PLCB1: variants seen among roughly 807,000 people sequenced by gnomAD.
PLCB1 encodes the protein 1-phosphatidylinositol 4,5-bisphosphate phosphodiesterase beta-1.
PLCB1 carries 46 observed loss-of-function variants against 161.8 expected under a neutral mutation model. That is an observed-to-expected ratio of 0.28 (90% CI 0.22 to 0.36). The LOEUF (loss-of-function observed/expected upper bound fraction) is 0.36, where lower values mean the gene tolerates loss of function less well. PLCB1 is among the 10% of genes least tolerant of loss of function. The pLI, the probability that PLCB1 is intolerant of heterozygous loss-of-function variation, is 1.00. For synonymous variants in PLCB1, 517 were observed against 503.7 expected, an observed-to-expected ratio of 1.03 and a Z score of -0.35; for missense variants, 1,016 against 1,472.5, an observed-to-expected ratio of 0.69 and a Z score of 5.07.
At chr20:8,403,658 C>A (rs190587051) in intron 3 of PLCB1, among the ~76,000 whole-genome samples, 1 of 152,140 alleles carries the variant, frequency 6.6e-6, no homozygotes, top group African/African-American at 2.4e-5. Context: ...TACTTGGAAG[C>A]CTGAAGCAGG....
chr20:8,230,388 A>G (rs1979964761), intron 2 of PLCB1, among the ~76,000 whole-genome samples: 1 of 152,064 alleles, frequency 6.6e-6, no homozygotes, highest in South Asian at 2.1e-4. Flanking sequence ...TTCAACATTT[A>G]TCATTTTTTG....
intron 2 of PLCB1, among the ~76,000 whole-genome samples, chr20:8,308,476 G>A (rs1318865501): frequency 1.3e-5 from 2 of 151,944 alleles, no homozygotes; most frequent in African/African-American, 4.8e-5. Flanking sequence ...AATTAGCTGG[G>A]CACGGTGGCA....
intron 3 of PLCB1, among the ~76,000 whole-genome samples, chr20:8,546,700 A>G (rs1381272023): frequency 6.6e-6 from 1 of 152,048 alleles, no homozygotes; most frequent in Non-Finnish European, 1.5e-5. Context: ...AGTTGATGAT[A>G]TTATAGTAAA....
chr20:8,602,595 CCT>C (rs906130328), intron 3 of PLCB1, among the ~76,000 whole-genome samples: 16 of 152,162 alleles, frequency 1.1e-4, no homozygotes, highest in African/African-American at 3.4e-4. Flanking sequence ...AACAGAAAAG[CCT>C]CTGTCATTTA....
chr20:8,685,161 A>G, intron 10 of PLCB1, 83 bp downstream of exon 10: 1 of 1,356,146 alleles, frequency 7.4e-7, no homozygotes, highest in South Asian at 1.2e-5. Context: ...CGGAAGCTGA[A>G]GTGTGTTTTC....
At chr20:8,860,625 A>C (rs2146312672) in intron 31 of PLCB1, among the ~76,000 whole-genome samples, 1 of 152,342 alleles carries the variant, frequency 6.6e-6, no homozygotes, top group African/African-American at 2.4e-5. Flanking sequence ...TCACTGATTA[A>C]TTAAAGTAAT....
intron 31 of PLCB1, among the ~76,000 whole-genome samples, chr20:8,841,733 CA>C (rs1600374313): frequency 6.6e-6 from 1 of 152,178 alleles, no homozygotes; most frequent in East Asian, 1.9e-4. Context: ...ACGCAGGTCA[CA>C]GTTTCTGTTG....
intron 3 of PLCB1, among the ~76,000 whole-genome samples, chr20:8,594,196 T>C (rs1318162123): frequency 6.6e-6 from 1 of 152,178 alleles, no homozygotes; most frequent in African/African-American, 2.4e-5. Context: ...CCCTCATGCC[T>C]AGCCCAGATC....
intron 9 of PLCB1, among the ~76,000 whole-genome samples, chr20:8,666,642 C>T (rs955233919): frequency 5.3e-5 from 8 of 152,230 alleles, no homozygotes; most frequent in African/African-American, 1.9e-4. Flanking sequence ...TTCTTTGTCC[C>T]GCTACTCCAG....
At chr20:8,706,414 A>G (rs1978678032) in intron 11 of PLCB1, among the ~76,000 whole-genome samples, 1 of 152,164 alleles carries the variant, frequency 6.6e-6, no homozygotes, top group South Asian at 2.1e-4. Context: ...TTGTATCAGG[A>G]TGATAGCAGT....
Position 8,623,448 on chromosome 20 carries a change from GT to G in PLCB1, c.247-4842del, listed in dbSNP as rs371727274. 1.3e-4 allele frequency among the ~76,000 whole-genome samples: 20 copies of G among 152,168 alleles called. No individual in the cohort carries two copies. The East Asian group carries it at 1.7e-3, about 13-fold the overall frequency. On this transcript the variant is annotated intron_variant, in intron 3 of 31. Transcript: ENST00000338037. ...TTATATTTTCTCTTCTTCATCAACA[GT>G]TTTCTATACTTATACAGTGACTTTA... is the stretch of plus-strand genomic sequence containing the variant.
intron 9 of PLCB1, among the ~76,000 whole-genome samples, chr20:8,659,835 T>A (rs186014695): frequency 3.3e-5 from 5 of 151,848 alleles, no homozygotes; most frequent in Non-Finnish European, 7.4e-5. Context: ...CTATTAAAAA[T>A]ACAAAAATTA....
chr20:8,132,675 G>T lies in PLCB1; in HGVS notation c.24G>T (p.Val8=). The change falls in exon 1 of 32, where the codon GTG becomes GTT. Residue 8 remains valine (V), a synonymous_variant. Coordinates refer to ENST00000338037, the MANE Select transcript of PLCB1 (RefSeq NM_015192.4). This position sits in a 1 kb window ranked among gnomAD's most constrained non-coding sequence, Gnocchi z 5.2. ...AGATGGCCGGGGCTCAACCCGGAGT[G>T]CACGCCTTGCAACTCAAGCCCGTGT... MAGAQPG[V]HALQLKPVCV... 1.2e-6 allele frequency: 2 copies of T among 1,612,424 alleles called. No homozygotes were observed. The highest frequency in any genetic ancestry group is 1.7e-6 in the Non-Finnish European group (2 of 1,179,136).
intron 3 of PLCB1, among the ~76,000 whole-genome samples, chr20:8,491,856 C>G (rs1484468109): frequency 6.6e-6 from 1 of 152,092 alleles, no homozygotes; most frequent in Non-Finnish European, 1.5e-5. Context: ...ACCTGCACCC[C>G]AAGGATCACT....
chr20:8,580,323 G>A (rs1342827987), intron 3 of PLCB1, among the ~76,000 whole-genome samples: 1 of 152,142 alleles, frequency 6.6e-6, no homozygotes, highest in African/African-American at 2.4e-5. Flanking sequence ...AAAAGTTAAG[G>A]GAGTTGCACT....
chr20:8,642,606 T>TA (rs1381151046), intron 4 of PLCB1, among the ~76,000 whole-genome samples: 2 of 152,156 alleles, frequency 1.3e-5, no homozygotes, highest in Admixed American at 1.3e-4. Context: ...TATAAAATAT[T>TA]AAAAAATAGG....
chr20:8,741,162 T>G (rs1980859874), intron 22 of PLCB1, among the ~76,000 whole-genome samples: 3 of 152,252 alleles, frequency 2.0e-5, no homozygotes, highest in Admixed American at 2.0e-4. Context: ...GATCCTGAGT[T>G]GAAGCCTGTC....
intron 3 of PLCB1, among the ~76,000 whole-genome samples, chr20:8,417,428 C>T (rs957280682): frequency 6.7e-6 from 1 of 148,980 alleles, no homozygotes; most frequent in Non-Finnish European, 1.5e-5. Context: ...CACTAGGACT[C>T]TGTTGTACCA....
intron 27 of PLCB1, 34 bp from the exon 28 acceptor site, chr20:8,788,415 T>C: frequency 6.3e-7 from 1 of 1,597,492 alleles, no homozygotes. Flanking sequence ...TTTGCAATCA[T>C]TTGAAATAGC....
Sources: gnomAD v4.1 joint callset for allele counts (sites outside exome capture counted in the v4.1 genomes callset) on GRCh38, gnomAD v4.1.1 for gene constraint, Gnocchi (gnomAD v3.1) non-coding constraint, MANE v1.5 for transcripts, NCBI Gene and HGNC (gene_info 2026-07-23, HGNC 2026-07-21) for gene names.